IFT172: variants seen among roughly 807,000 people sequenced by gnomAD.
IFT172 encodes intraflagellar transport protein 172 homolog.
A neutral mutation model predicts 248.9 loss-of-function variants in IFT172; 164 were observed. That is an observed-to-expected ratio of 0.66 (90% CI 0.58 to 0.75). The LOEUF (loss-of-function observed/expected upper bound fraction) is 0.75. IFT172 is among the 30% of genes least tolerant of loss of function. The probability of loss-of-function intolerance (pLI) is 0.00; values close to 1 mark genes in which losing one functional copy is unlikely to be tolerated. For missense variants in IFT172, 1,950 were observed against 2,192.4 expected (o/e 0.89, Z 2.21); for synonymous variants, 729 against 791.6 (o/e 0.92, Z 1.33).
chr2:27,466,295 T>C (rs1667081601), intron 16 of IFT172, among the ~76,000 whole-genome samples: 1 of 151,406 alleles, frequency 6.6e-6, no homozygotes, highest in Non-Finnish European at 1.5e-5. Context: ...AAAGACAGAC[T>C]GAAAGAAAAA....
At chr2:27,479,647 C>T (rs773096444) in intron 9 of IFT172, 43 bp from the exon 10 acceptor site, 4 of 1,191,406 alleles carry the variant, frequency 3.4e-6, no homozygotes, top group African/African-American at 3.0e-5. Flanking sequence ...ACACATAGTA[C>T]ACTGGCATGG....
At chr2:27,476,879 G>A in intron 13 of IFT172, 153 bp from the exon 14 acceptor site, 1 of 621,664 alleles carries the variant, frequency 1.6e-6, no homozygotes, top group Middle Eastern at 3.8e-4. Context: ...CTGAAGTGCA[G>A]TGGTGTGATC....
At chr2:27,451,697 C>T (rs888786624) in intron 35 of IFT172, among the ~76,000 whole-genome samples, 2 of 152,114 alleles carry the variant, frequency 1.3e-5, no homozygotes, top group Non-Finnish European at 2.9e-5. Flanking sequence ...ACCCAGGAGG[C>T]GGAGCTTGCA....
chr2:27,451,683 C>A (rs930871811), intron 35 of IFT172, among the ~76,000 whole-genome samples: 1 of 152,096 alleles, frequency 6.6e-6, no homozygotes, highest in Non-Finnish European at 1.5e-5. Context: ...GGAGAATGGC[C>A]TAAACCCAGG....
intron 14 of IFT172, among the ~76,000 whole-genome samples, chr2:27,473,405 G>A (rs1262090708): frequency 3.5e-5 from 5 of 144,814 alleles, no homozygotes; most frequent in Admixed American, 6.9e-5. Context: ...TGATAAAGCC[G>A]TATTTTTTTT....
rs10651081 is a variant in IFT172 at position 27,483,001 on chromosome 2, C to CTTT, written c.570+285_570+287dup. ...TTCCTTATCCCCTATTCCACAGCAT[C>CTTT]TTTTTTTTTTTTTTTTTTTGAGACA... is the stretch of plus-strand genomic sequence containing the variant. On this transcript the variant is annotated intron_variant, in intron 7 of 47. Coordinates refer to ENST00000260570, the MANE Select transcript of IFT172 (RefSeq NM_015662.3). Among the ~76,000 whole-genome samples the CTTT allele has an allele frequency of 0.01, 1,293 of 123,724 alleles. 40 individuals are homozygous for CTTT. Among genetic ancestry groups the CTTT allele is most frequent in the African/African-American group, 0.03 (976 of 32,290 alleles). The allele number at this position is 123,724 out of a possible 152,430, so 81.2% of individuals were successfully genotyped here.
intron 13 of IFT172, 26 bp downstream of exon 13, chr2:27,477,191 G>A (rs750138125): frequency 1.9e-6 from 3 of 1,574,532 alleles, no homozygotes; most frequent in Non-Finnish European, 2.6e-6. Flanking sequence ...TGGGTTTCAG[G>A]GATTCAGAGA....
intron 16 of IFT172, among the ~76,000 whole-genome samples, chr2:27,470,525 T>C (rs1667481943): frequency 6.6e-6 from 1 of 152,116 alleles, no homozygotes; most frequent in African/African-American, 2.4e-5. Flanking sequence ...GACTACTGGG[T>C]ATGTATGATG....
intron 35 of IFT172, among the ~76,000 whole-genome samples, chr2:27,451,282 C>T (rs1276555671): frequency 6.6e-6 from 1 of 152,212 alleles, no homozygotes; most frequent in Non-Finnish European, 1.5e-5. Context: ...GCTTAATCTG[C>T]CCTGTCTGCA....
In IFT172 at chr2:27,454,101, T is replaced by C. The variant is rs953195451; in HGVS notation, c.3592A>G (p.Ser1198Gly). 3.1e-6 allele frequency: 5 copies of C among 1,613,928 alleles called. No individual in the cohort carries two copies. Among genetic ancestry groups the C allele is most frequent in the South Asian group, 1.1e-5 (1 of 91,080 alleles). ...TGTCCCACAAGCACCTCGGCGACAC[T>C]GTCAGGGTCGTGAGCCTCAGCCACA... ...QRVAEAHDPD[S>G]VAEVLVGQAR... The change falls in exon 33 of 48, where the codon AGT (serine) becomes GGT (glycine). Residue 1198 changes from serine (S) to glycine (G), a missense_variant. By Grantham distance (56) the Ser-to-Gly change is moderately conservative. Transcript: ENST00000260570. The surrounding 1 kb of genome is among the most constrained non-coding windows in gnomAD (Gnocchi z 4.2).
rs867122593 is a variant in IFT172, at chr2:27,445,029, G to A, written c.5145C>T (p.Phe1715=). Residue 1715 remains phenylalanine (F), a synonymous_variant, in exon 47 of 48, where the codon TTC becomes TTT. Coordinates refer to ENST00000260570, the MANE Select transcript of IFT172 (RefSeq NM_015662.3). The surrounding 1 kb of genome is among the most constrained non-coding windows in gnomAD (Gnocchi z 4.4). ...CCTCTCTAACCTTGATGGCCATAAG[G>A]AATTTATTCCAGTTGTCCTTGTTAG... ...KAANKDNWNK[F]LMAIKTSHSP... 1.2e-6 allele frequency: 2 copies of A among 1,613,998 alleles called. No individual in the cohort carries two copies. Among genetic ancestry groups the A allele is most frequent in the Middle Eastern group, 1.6e-4 (1 of 6,062 alleles).
chr2:27,444,447 G>C lies in IFT172; in HGVS notation c.5235C>G (p.Ser1745Arg), dbSNP rs761254391. Reference sequence around the variant, plus strand: ...GCTCTACCAACTACTGAAAGGAAAAGCTGGTGCTGGGGAGCCCTCCACACC... The same window carrying C: ...GCTCTACCAACTACTGAAAGGAAAACCTGGTGCTGGGGAGCCCTCCACACC... ...SQWCGGLPST[S>R]FSFQ Residue 1745 changes from serine to arginine, a missense_variant, in exon 48 of 48, where the codon AGC (serine) becomes AGG (arginine). Ser to Arg is a moderately radical substitution (Grantham distance 110). Transcript: ENST00000260570. The C allele has an allele frequency of 1.2e-6, 2 of 1,612,390 alleles. No individual in the cohort carries two copies. Among genetic ancestry groups the C allele is most frequent in the Non-Finnish European group, 1.7e-6 (2 of 1,179,000 alleles).
At chr2:27,458,690 C>A (rs1393200557) in intron 26 of IFT172, 89 bp downstream of exon 26, 3 of 1,459,546 alleles carry the variant, frequency 2.1e-6, no homozygotes, top group Admixed American at 4.0e-5. Context: ...TTCAGGGAGC[C>A]AAGCGAAGAG....
At chr2:27,487,796 G>A (rs1012832163) in intron 1 of IFT172, among the ~76,000 whole-genome samples, 2 of 152,086 alleles carry the variant, frequency 1.3e-5, no homozygotes, top group Non-Finnish European at 1.5e-5. Context: ...CGTTGGCCAG[G>A]ATGGTGTCGA....
At position 27,445,209 on chromosome 2, in the gene IFT172, C is replaced by T. The variant is rs1175643480; in HGVS notation, c.5068+87G>A. On this transcript the variant is annotated intron_variant, in intron 46 of 47. Transcript: ENST00000260570. This position sits in a 1 kb window ranked among gnomAD's most constrained non-coding sequence, Gnocchi z 4.4. ...GAAAGCACAGTCCTGTCTTTTGTAC[C>T]CTTTACTGAATCCTAGTAAAATTAA... 6.3e-7 allele frequency: 1 copy of T among 1,580,818 alleles called. No homozygotes were observed. Among genetic ancestry groups the T allele is most frequent in the East Asian group, 2.2e-5 (1 of 44,460 alleles).
rs532669006 is a variant in IFT172, at chr2:27,454,061, A to C, written c.3632T>G (p.Leu1211Trp). Residue 1211 changes from leucine (L) to tryptophan (W), a missense_variant, in exon 33 of 48, where the codon TTG (leucine) becomes TGG (tryptophan). By Grantham distance (61) the Leu-to-Trp change is moderately conservative. Coordinates refer to ENST00000260570, the MANE Select transcript of IFT172 (RefSeq NM_015662.3). This position sits in a 1 kb window ranked among gnomAD's most constrained non-coding sequence, Gnocchi z 4.2. ...TGCTTTCTGAAAGTCCTTCTCCTCC[A>C]AGGCCCCCCGGGCCTGTCCCACAAG... ...EVLVGQARGA[L>W]EEKDFQKAEG... The C allele has an allele frequency of 1.6e-5, 26 of 1,613,826 alleles. No homozygotes were observed. In the South Asian group the frequency reaches 2.9e-4, roughly 18 times the overall value.
At chr2:27,449,933 T>C in intron 36 of IFT172, 65 bp downstream of exon 36, 1 of 1,451,326 alleles carries the variant, frequency 6.9e-7, no homozygotes, top group South Asian at 1.2e-5. Context: ...TTCCTGGGTG[T>C]AGATGTCACC....
chr2:27,457,953 G>A lies in IFT172; in HGVS notation c.2999C>T (p.Pro1000Leu), dbSNP rs775659689. The change falls in exon 28 of 48, where the codon CCT (proline) becomes CTT (leucine). Residue 1000 changes from proline (P) to leucine (L), a missense_variant. This residue lies in a region of IFT172 where 1,166 missense variants were observed against 1,254.1 expected (regional missense o/e 0.93). Transcript: ENST00000260570. Reference sequence around the variant, plus strand: ...TTTGTACATGGTGATGGCAAGATCAGGCTCTTGTACTGTCACATATAGCCT... The same window carrying A: ...TTTGTACATGGTGATGGCAAGATCAAGCTCTTGTACTGTCACATATAGCCT... ...AERLYVTVQE[P>L]DLAITMYKKH... is the part of the protein sequence containing the mutation. The A allele has an allele frequency of 1.2e-6, 2 of 1,614,200 alleles. No individual in the cohort carries two copies. Among genetic ancestry groups the A allele is most frequent in the Non-Finnish European group, 1.7e-6 (2 of 1,180,030 alleles).
At chr2:27,478,271 C>T in intron 10 of IFT172, 115 bp from the exon 11 acceptor site, 1 of 1,211,098 alleles carries the variant, frequency 8.3e-7, no homozygotes, top group Non-Finnish European at 1.2e-6. Flanking sequence ...CTTGTTTCTT[C>T]CCTGGGTCTA....
Sources: allele counts gnomAD v4.1 joint callset (sites outside exome capture counted in the v4.1 genomes callset), GRCh38; gene constraint gnomAD v4.1.1; regional missense constraint gnomAD v4.1.1; non-coding constraint Gnocchi (gnomAD v3.1); transcripts MANE v1.5; gene names NCBI Gene and HGNC (gene_info 2026-07-23, HGNC 2026-07-21).